The following PRKG1 variants were observed in gnomAD, a reference collection of about 807,000 sequenced individuals.
PRKG1 encodes cGMP-dependent protein kinase 1.
A neutral mutation model predicts 88.1 loss-of-function variants in PRKG1; 35 were observed. The ratio of observed to expected loss-of-function variants is 0.40; its 90% CI spans 0.30 to 0.53. PRKG1 has a LOEUF of 0.53. Among genes scored for constraint, PRKG1 ranks in the 20% least tolerant of loss-of-function variants. The pLI, the probability that PRKG1 is intolerant of heterozygous loss-of-function variation, is 0.59. For missense variants in PRKG1, 540 were observed against 839.8 expected (o/e 0.64, Z 4.41); for synonymous variants, 303 against 292.5 (o/e 1.04, Z -0.37).
intron 1 of PRKG1, among the ~76,000 whole-genome samples, chr10:51,054,369 T>C (rs1843602859): frequency 6.6e-6 from 1 of 152,202 alleles, no homozygotes; most frequent in African/African-American, 2.4e-5. Context: ...GTTTAAACTT[T>C]TTAAAAGTTC....
At chr10:52,007,446 A>G (rs993366983) in intron 5 of PRKG1, among the ~76,000 whole-genome samples, 1 of 152,202 alleles carries the variant, frequency 6.6e-6, no homozygotes, top group African/African-American at 2.4e-5. Context: ...TACAAAGCAA[A>G]GAAAACACAG....
At chr10:52,278,731 C>T (rs538289134) in intron 12 of PRKG1, among the ~76,000 whole-genome samples, 37 of 151,864 alleles carry the variant, frequency 2.4e-4, no homozygotes, top group Middle Eastern at 3.4e-3. Flanking sequence ...GTCGAACCCC[C>T]ATCTCTACTA....
At chr10:51,135,883 C>T (rs868141239) in intron 1 of PRKG1, among the ~76,000 whole-genome samples, 5 of 141,966 alleles carry the variant, frequency 3.5e-5, no homozygotes, top group Non-Finnish European at 6.0e-5. Flanking sequence ...GTATCCTAAC[C>T]TAGAAGTGGC....
chr10:52,108,921 A>G (rs542281331), intron 7 of PRKG1, among the ~76,000 whole-genome samples: 1 of 144,376 alleles, frequency 6.9e-6, no homozygotes, highest in South Asian at 2.2e-4. Flanking sequence ...ACTGCCTCCC[A>G]GATTCAAGTG....
At chr10:52,197,156 A>G (rs909281110) in intron 9 of PRKG1, among the ~76,000 whole-genome samples, 1 of 152,094 alleles carries the variant, frequency 6.6e-6, no homozygotes, top group Non-Finnish European at 1.5e-5. Flanking sequence ...TTTTTTGTGT[A>G]TTTCCTCGTA....
intron 3 of PRKG1, among the ~76,000 whole-genome samples, chr10:51,640,378 T>C (rs1457205218): frequency 6.6e-6 from 1 of 152,226 alleles, no homozygotes; most frequent in Non-Finnish European, 1.5e-5. Context: ...TCTCAACACC[T>C]GATTTTTTTA....
In PRKG1 at chr10:51,907,541, C is replaced by G. The variant is rs1405161119; in HGVS notation, c.733C>G (p.Leu245Val). The change falls in exon 5 of 18, where the codon CTC (leucine) becomes GTC (valine). Residue 245 changes from leucine (L) to valine (V), a missense_variant. Leu to Val is a conservative substitution (Grantham distance 32, BLOSUM62 1). Coordinates refer to ENST00000373980, the MANE Select transcript of PRKG1 (RefSeq NM_006258.4). ...ATTCCAGAGCCTTCCTGAAGAGATC[C>G]TCAGCAAGCTTGCTGATGTCCTTGA... ...PTFQSLPEEILSKLADVLEET... is the reference protein window; with the variant it reads ...PTFQSLPEEIVSKLADVLEET... The G allele has an allele frequency of 1.2e-6, 2 of 1,613,526 alleles. No homozygotes were observed. Among genetic ancestry groups the G allele is most frequent in the Non-Finnish European group, 1.7e-6 (2 of 1,179,660 alleles).
intron 4 of PRKG1, among the ~76,000 whole-genome samples, chr10:51,811,470 G>A (rs191480168): frequency 1.8e-4 from 27 of 151,934 alleles, no homozygotes; most frequent in East Asian, 1.2e-3. Flanking sequence ...AAGTGTAGTC[G>A]GGAGAGAATT....
intron 3 of PRKG1, among the ~76,000 whole-genome samples, chr10:51,714,424 G>T (rs139817689): frequency 2.0e-5 from 3 of 152,272 alleles, no homozygotes; most frequent in Middle Eastern, 6.8e-3. Flanking sequence ...CCTTCAATCA[G>T]GTGGGAGACT....
At chr10:51,374,082 C>CAAAAA (rs769407143) in intron 2 of PRKG1, among the ~76,000 whole-genome samples, 71 of 95,446 alleles carry the variant, frequency 7.4e-4, no homozygotes, top group African/African-American at 8.7e-4. Context: ...GCAGAGGTTG[C>CAAAAA]AAAAAAAAAA....
chr10:52,272,664 C>A (rs559794102), intron 12 of PRKG1, among the ~76,000 whole-genome samples, 183 bp downstream of exon 12: 64 of 152,098 alleles, frequency 4.2e-4, no homozygotes, highest in Non-Finnish European at 6.8e-4. Flanking sequence ...GTACATATAA[C>A]AAAACTCACT....
At chr10:51,115,028 A>G (rs1237850788) in intron 1 of PRKG1, among the ~76,000 whole-genome samples, 1 of 152,078 alleles carries the variant, frequency 6.6e-6, no homozygotes, top group Non-Finnish European at 1.5e-5. Flanking sequence ...AAAGATTTAA[A>G]GAAAGAGGCC....
chr10:51,902,917 C>A (rs1842010604), intron 4 of PRKG1, among the ~76,000 whole-genome samples: 1 of 152,156 alleles, frequency 6.6e-6, no homozygotes, highest in Non-Finnish European at 1.5e-5. Flanking sequence ...ACAAAAGGGT[C>A]ACAGGAAATC....
At chr10:52,206,430 G>T (rs1304432895) in intron 9 of PRKG1, among the ~76,000 whole-genome samples, 2 of 152,140 alleles carry the variant, frequency 1.3e-5, no homozygotes, top group East Asian at 1.9e-4. Context: ...TTTTAGCCTG[G>T]TTAAGAACCA....
intron 2 of PRKG1, among the ~76,000 whole-genome samples, chr10:51,260,469 A>G (rs1839676901): frequency 6.6e-6 from 1 of 152,156 alleles, no homozygotes; most frequent in African/African-American, 2.4e-5. Flanking sequence ...GGTAATACCA[A>G]TGGTCTCTCT....
At chr10:51,861,420 T>C (rs1350174705) in intron 4 of PRKG1, among the ~76,000 whole-genome samples, 4 of 152,216 alleles carry the variant, frequency 2.6e-5, no homozygotes, top group Non-Finnish European at 4.4e-5. Flanking sequence ...TAAAAAATCA[T>C]TGAAGTTGTT....
chr10:51,018,364 A>G (rs1354718665), intron 1 of PRKG1, among the ~76,000 whole-genome samples: 1 of 152,058 alleles, frequency 6.6e-6, no homozygotes, highest in Non-Finnish European at 1.5e-5. Flanking sequence ...TTCTGTATGC[A>G]ATATGTCTTC....
intron 3 of PRKG1, among the ~76,000 whole-genome samples, chr10:51,735,774 G>T (rs528759337): frequency 6.7e-6 from 1 of 150,296 alleles, no homozygotes; most frequent in East Asian, 2.0e-4. Context: ...ATATGTGTTT[G>T]GTACAGAGGC....
At chr10:51,224,283 A>T (rs1465918490) in intron 2 of PRKG1, among the ~76,000 whole-genome samples, 2 of 152,158 alleles carry the variant, frequency 1.3e-5, no homozygotes. Flanking sequence ...ATCACTAAGG[A>T]GTCAGAGAAA....
Sources: gnomAD v4.1 joint callset for allele counts (sites outside exome capture counted in the v4.1 genomes callset) on GRCh38, gnomAD v4.1.1 for gene constraint, MANE v1.5 for transcripts, NCBI Gene and HGNC (gene_info 2026-07-23, HGNC 2026-07-21) for gene names.